The following ERC1 variants were observed in gnomAD, a reference collection of about 807,000 sequenced individuals.
ERC1 encodes the protein ELKS/RAB6-interacting/CAST family member 1.
ERC1 carries 56 observed loss-of-function variants against 132.0 expected under a neutral mutation model. The ratio of observed to expected loss-of-function variants is 0.42; its 90% confidence interval spans 0.34 to 0.53. The LOEUF is 0.53. ERC1 is among the 20% of genes least tolerant of loss of function. The probability of loss-of-function intolerance (pLI) is 0.03; values close to 1 mark genes in which losing one functional copy is unlikely to be tolerated. For synonymous variants in ERC1, 478 were observed against 476.1 expected (o/e 1.00, Z -0.05); for missense variants, 1,202 against 1,349.9 (o/e 0.89, Z 1.72).
intron 12 of ERC1, among the ~76,000 whole-genome samples, chr12:1,193,567 A>G (rs556135886): frequency 6.6e-6 from 1 of 152,238 alleles, no homozygotes; most frequent in East Asian, 1.9e-4. Context: ...TACATATATT[A>G]AGAGATTTAT....
chr12:1,094,372 G>C (rs1440318583), intron 3 of ERC1, among the ~76,000 whole-genome samples: 1 of 149,974 alleles, frequency 6.7e-6, no homozygotes, highest in African/African-American at 2.4e-5. Context: ...TGGAAGATGA[G>C]AACAGTTGCA....
intron 15 of ERC1, among the ~76,000 whole-genome samples, chr12:1,341,203 C>T (rs1595106811): frequency 8.6e-6 from 1 of 116,938 alleles, no homozygotes; most frequent in Non-Finnish European, 2.1e-5. Flanking sequence ...AAGCAGTTCT[C>T]CTGCCTCAGC....
rs1263813440 is a variant in ERC1 at position 991,242 on chromosome 12, T to TGTGGCGGCGGCGGCGGCGGTA, written c.-220_-200dup. ...GACGTCGCGGGCGCCTGGGCCGTGC[T>TGTGGCGGCGGCGGCGGCGGTA]GTGGCGGCGGCGGCGGCGGTAGTGG... is the stretch of plus-strand genomic sequence containing the variant. On this transcript the variant is annotated 5_prime_UTR_variant, in exon 1 of 19. Transcript: ENST00000360905. 26 of 78,170 alleles carry TGTGGCGGCGGCGGCGGCGGTA rather than the reference T, an allele frequency of 3.3e-4. No individual in the cohort carries two copies. The highest frequency in any genetic ancestry group is 1.1e-3 in the Admixed American group (9 of 8,484). The allele number at this position is 78,170 out of a possible 1,614,324, so 4.8% of individuals were successfully genotyped here.
intron 12 of ERC1, among the ~76,000 whole-genome samples, chr12:1,191,924 A>G (rs920334432): frequency 2.0e-5 from 3 of 152,200 alleles, no homozygotes; most frequent in South Asian, 2.1e-4. Flanking sequence ...ACTTGGTAAC[A>G]TAGTTTAAGA....
intron 18 of ERC1, among the ~76,000 whole-genome samples, chr12:1,478,522 G>C (rs1395703024): frequency 6.6e-6 from 1 of 152,126 alleles, no homozygotes; most frequent in African/African-American, 2.4e-5. Context: ...GGCCGGGCGC[G>C]GTGGCTCACG....
chr12:1,397,971 A>T (rs1332009887), intron 16 of ERC1, among the ~76,000 whole-genome samples: 1 of 152,038 alleles, frequency 6.6e-6, no homozygotes, highest in African/African-American at 2.4e-5. Context: ...AGTAGGATAA[A>T]CTCCAAGTAA....
chr12:1,199,483 T>A (rs1001811107), intron 12 of ERC1, among the ~76,000 whole-genome samples: 5 of 150,772 alleles, frequency 3.3e-5, no homozygotes, highest in Non-Finnish European at 7.4e-5. Context: ...AAAAAAAAAA[T>A]GTTATGGCCA....
Position 1,303,964 on chromosome 12 carries a change from A to AAAAAG in ERC1, c.2780+13956_2780+13957insGAAAA, listed in dbSNP as rs1555352923. 2.9e-4 allele frequency among the ~76,000 whole-genome samples: 43 copies of AAAAAG among 148,294 alleles called. 2 individuals are homozygous for AAAAAG. Among genetic ancestry groups the AAAAAG allele is most frequent in the Non-Finnish European group, 4.6e-4 (31 of 67,304 alleles). On this transcript the variant is annotated intron_variant, in intron 15 of 18. Coordinates refer to ENST00000360905, the MANE Select transcript of ERC1 (RefSeq NM_178040.4). ...GCAAAACTCCATCTCAGAAAAAAAA[A>AAAAAG]AAAAAAGAATTCCATTAGCTATATC...
intron 4 of ERC1, among the ~76,000 whole-genome samples, chr12:1,105,978 C>T (rs955455681): frequency 6.6e-6 from 1 of 152,186 alleles, no homozygotes; most frequent in Non-Finnish European, 1.5e-5. Context: ...GTTCCATAGA[C>T]CATCCTTTGA....
intron 18 of ERC1, among the ~76,000 whole-genome samples, chr12:1,466,709 TG>T (rs2093750327): frequency 6.6e-6 from 1 of 152,208 alleles, no homozygotes; most frequent in African/African-American, 2.4e-5. Flanking sequence ...CAGGGTCTGC[TG>T]GTTACTTCAA....
intron 18 of ERC1, among the ~76,000 whole-genome samples, chr12:1,484,588 T>TC (rs1413909477): frequency 6.7e-6 from 1 of 149,748 alleles, no homozygotes; most frequent in African/African-American, 2.5e-5. Context: ...TTTTCCTTTT[T>TC]TTTTTTTTTG....
At chr12:1,354,666 G>C (rs1420752945) in intron 15 of ERC1, among the ~76,000 whole-genome samples, 1 of 152,206 alleles carries the variant, frequency 6.6e-6, no homozygotes, top group South Asian at 2.1e-4. Context: ...CTTGGGTCAG[G>C]GCGCAACAGA....
intron 8 of ERC1, among the ~76,000 whole-genome samples, chr12:1,168,497 T>TTTTTTTTG (rs1566132041): frequency 7.0e-6 from 1 of 142,178 alleles, no homozygotes; most frequent in Admixed American, 7.2e-5. Flanking sequence ...TTTTTTTTTT[T>TTTTTTTTG]TTTGGAGGAG....
At chr12:1,095,397 CA>C (rs59513840) in intron 3 of ERC1, among the ~76,000 whole-genome samples, 61 of 132,900 alleles carry the variant, frequency 4.6e-4, no homozygotes, top group African/African-American at 9.9e-4. Context: ...GCCACTGCAC[CA>C]AAAAAAAAAA....
intron 2 of ERC1, among the ~76,000 whole-genome samples, chr12:1,039,327 G>T (rs1018973494): frequency 1.4e-5 from 2 of 139,186 alleles, no homozygotes; most frequent in African/African-American, 5.5e-5. Flanking sequence ...GACAGAGCGA[G>T]ACGTTGTCTC....
intron 16 of ERC1, among the ~76,000 whole-genome samples, chr12:1,392,467 T>C (rs1019361374): frequency 3.3e-5 from 5 of 152,210 alleles, no homozygotes; most frequent in Non-Finnish European, 7.3e-5. Flanking sequence ...TTTTTTTAAG[T>C]TATAATTTTC....
At chr12:1,012,277 A>G (rs1044771072) in intron 1 of ERC1, among the ~76,000 whole-genome samples, 1 of 152,182 alleles carries the variant, frequency 6.6e-6, no homozygotes, top group African/African-American at 2.4e-5. Context: ...CTGGGTTCCT[A>G]TAATTTTTCA....
intron 12 of ERC1, among the ~76,000 whole-genome samples, chr12:1,228,383 A>G (rs151253421): frequency 0.018 from 901 of 50,320 alleles, 15 homozygotes; most frequent in African/African-American, 0.16. Flanking sequence ...ATTTTTGTAT[A>G]TTTTATATTC....
rs568620394 is a variant in ERC1 at position 1,294,558 on chromosome 12, T to G, written c.2780+4546T>G. ...GGGATGAAATTAAGACTGTCTGTCA[T>G]CTACTCCTCACAAAAGGAAGGAAGT... is the stretch of plus-strand genomic sequence containing the variant. On this transcript the variant is annotated intron_variant, in intron 15 of 18. Transcript: ENST00000360905. Among the ~76,000 whole-genome samples, 10 of 152,292 alleles carry G rather than the reference T, an allele frequency of 6.6e-5. No homozygotes were observed. In the East Asian group the frequency reaches 9.7e-4, roughly 15 times the overall value.
Sources: allele counts gnomAD v4.1 joint callset (sites outside exome capture counted in the v4.1 genomes callset), GRCh38; gene constraint gnomAD v4.1.1; transcripts MANE v1.5; gene names NCBI Gene and HGNC (gene_info 2026-07-23, HGNC 2026-07-21).